DNAH12: variants seen among roughly 807,000 people sequenced by gnomAD.
The protein encoded by DNAH12 is axonemal beta dynein heavy chain 12.
A neutral mutation model predicts 371.5 loss-of-function variants in DNAH12; 285 were observed. The observed-to-expected ratio is 0.77, with a 90% CI of 0.70 to 0.85. The LOEUF (loss-of-function observed/expected upper bound fraction) is 0.85, where lower values mean the gene tolerates loss of function less well. Ranked by LOEUF, DNAH12 falls within the 40% of genes least tolerant of loss-of-function variation. DNAH12 has a pLI of 0.00. For missense variants in DNAH12, 3,611 were observed against 3,689.4 expected (o/e 0.98, Z 0.55); for synonymous variants, 1,200 against 1,213.0 (o/e 0.99, Z 0.22).
At chr3:57,499,646 AAATATATATATATATATATATAT>A in intron 11 of DNAH12, among the ~76,000 whole-genome samples, 2 of 32,054 alleles carry the variant, frequency 6.2e-5, no homozygotes, top group South Asian at 2.9e-3. Context: ...AAAAAAAAAA[AAATATATATATATATATATATAT>A]ATATATACTT....
intron 39 of DNAH12, among the ~76,000 whole-genome samples, chr3:57,409,829 G>A (rs2064148023): frequency 6.6e-6 from 1 of 152,092 alleles, no homozygotes; most frequent in Non-Finnish European, 1.5e-5. Flanking sequence ...TAATTAAAAG[G>A]TGCTATATCT....
intron 69 of DNAH12, among the ~76,000 whole-genome samples, chr3:57,308,238 A>G (rs921035230): frequency 7.9e-5 from 12 of 152,174 alleles, no homozygotes; most frequent in African/African-American, 2.9e-4. Context: ...TCTGTCAGAC[A>G]TAATTCCTCT....
At chr3:57,428,473 T>C (rs4681732) in intron 34 of DNAH12, 160 bp downstream of exon 34, 29 of 1,535,006 alleles carry the variant, frequency 1.9e-5, no homozygotes, top group Middle Eastern at 1.7e-4. Context: ...CCCTGAGTTA[T>C]GCAGCTATAA....
chr3:57,523,693 TTAAA>T, intron 3 of DNAH12, 84 bp from the exon 4 acceptor site: 1 of 1,281,356 alleles, frequency 7.8e-7, no homozygotes, highest in East Asian at 2.7e-5. Context: ...AATATATAGT[TTAAA>T]TATATCTATT....
intron 11 of DNAH12, among the ~76,000 whole-genome samples, chr3:57,499,240 T>A (rs891597915): frequency 6.6e-6 from 1 of 152,014 alleles, no homozygotes; most frequent in African/African-American, 2.4e-5. Flanking sequence ...GGATGGGGTA[T>A]AAGGAAGGTT....
chr3:57,442,591 A>ATT (rs2065342758), intron 29 of DNAH12, among the ~76,000 whole-genome samples: 1 of 152,242 alleles, frequency 6.6e-6, no homozygotes, highest in South Asian at 2.1e-4. Flanking sequence ...AGTCAGTAAA[A>ATT]CAAATACAGA....
chr3:57,464,391 G>C (rs962391282), intron 17 of DNAH12, among the ~76,000 whole-genome samples: 3 of 152,036 alleles, frequency 2.0e-5, no homozygotes, highest in African/African-American at 7.2e-5. Context: ...TATACCCTGT[G>C]GGACCGTCCG....
Position 57,428,664 on chromosome 3 carries a change from G to T in DNAH12, c.5222C>A (p.Pro1741His), listed in dbSNP as rs934236169. The part of the protein sequence containing the change: ...LRGLFAWLIP[P>H]SLNQRKKKCK... ...TTTTTTCTTACGCTGGTTTAAAGAG[G>T]GTGGTATTAACCAGGCAAAAAGTCC... Residue 1741 changes from proline (P) to histidine (H), a missense_variant, in exon 34 of 74, where the codon CCC becomes CAC. Pro to His is a moderately conservative substitution (Grantham distance 77). Coordinates refer to ENST00000495027, the MANE Select transcript of DNAH12 (RefSeq NM_001366028.2). The T allele has an allele frequency of 1.9e-6, 3 of 1,543,938 alleles. No homozygotes were observed. The highest frequency in any genetic ancestry group is 4.9e-5 in the East Asian group (2 of 40,884).
intron 37 of DNAH12, among the ~76,000 whole-genome samples, chr3:57,415,945 C>T (rs1194683099): frequency 6.6e-6 from 1 of 151,908 alleles, no homozygotes; most frequent in Non-Finnish European, 1.5e-5. Context: ...TGCACCACCA[C>T]ACCTGGCTAA....
chr3:57,446,296 A>AT (rs1161926693), intron 26 of DNAH12, 26 bp from the exon 27 acceptor site: 9 of 1,538,604 alleles, frequency 5.8e-6, no homozygotes, highest in South Asian at 2.4e-5. Context: ...AAGGAAAGTG[A>AT]TTTTTTTCTC....
intron 58 of DNAH12, among the ~76,000 whole-genome samples, chr3:57,358,617 C>T (rs978530193): frequency 3.9e-5 from 6 of 152,076 alleles, no homozygotes; most frequent in Non-Finnish European, 7.4e-5. Flanking sequence ...TCAGTCCTAA[C>T]TATAAATAAG....
Position 57,322,356 on chromosome 3 carries a change from C to T in DNAH12, c.10511G>A (p.Arg3504His), listed in dbSNP as rs573802247. Residue 3504 changes from arginine to histidine, a missense_variant, in exon 65 of 74, where the codon CGT becomes CAT. Physicochemically the swap from Arg to His is conservative, Grantham distance 29. Coordinates refer to ENST00000495027, the MANE Select transcript of DNAH12 (RefSeq NM_001366028.2). Reference sequence around the variant, plus strand: ...GATGAATATTACCAGTTCCTTTCCACGGCATCCCTTGAAAAACTCAGGATC... The same window carrying T: ...GATGAATATTACCAGTTCCTTTCCATGGCATCCCTTGAAAAACTCAGGATC... ...VSDPEFFKGC[R>H]GKELAWEKLL... is the part of the protein sequence containing the mutation. 1.2e-5 allele frequency: 19 copies of T among 1,550,752 alleles called. No homozygotes were observed. The highest frequency in any genetic ancestry group is 3.3e-4 in the Middle Eastern group (2 of 6,010).
At position 57,334,903 on chromosome 3, in the gene DNAH12, G is replaced by T; in HGVS notation, c.9712C>A (p.Leu3238Ile). The change falls in exon 61 of 74, where the codon CTT becomes ATT. Residue 3238 changes from leucine to isoleucine, a missense_variant. Leu to Ile is a conservative substitution (Grantham distance 5, BLOSUM62 2). This residue lies in a region of DNAH12 where 2,266 missense variants were observed against 2,236.9 expected (regional missense o/e 1.01). Transcript: ENST00000495027. ...KEIEYQELMF[L>I]LTGGVSLKSA... ...TTAAGACTTACTCCTCCAGTTAAAA[G>T]AAACATCAGTTCCTGGTATTCAATC... The T allele has an allele frequency of 1.9e-6, 3 of 1,551,530 alleles. No homozygotes were observed. The highest frequency in any genetic ancestry group is 2.6e-6 in the Non-Finnish European group (3 of 1,146,940).
At chr3:57,531,830 G>T (rs1352991413) in intron 2 of DNAH12, among the ~76,000 whole-genome samples, 3 of 147,118 alleles carry the variant, frequency 2.0e-5, no homozygotes, top group Non-Finnish European at 4.5e-5. Flanking sequence ...TGTTAAATCT[G>T]CTTGGTGTTC....
chr3:57,548,566 G>C (rs964674779), upstream of DNAH12, among the ~76,000 whole-genome samples: 1 of 152,074 alleles, frequency 6.6e-6, no homozygotes, highest in African/African-American at 2.4e-5. Context: ...TTAGCCAGGC[G>C]TTGGTGGTGT....
At chr3:57,419,281 G>GA (rs1346241677) in intron 37 of DNAH12, 86 bp downstream of exon 37, 21 of 1,287,432 alleles carry the variant, frequency 1.6e-5, no homozygotes, top group Non-Finnish European at 2.1e-5. Context: ...GAAAAGGGAT[G>GA]ATCTCGAATA....
chr3:57,383,791 A>G (rs2063447320), intron 49 of DNAH12, among the ~76,000 whole-genome samples: 1 of 151,872 alleles, frequency 6.6e-6, no homozygotes, highest in South Asian at 2.1e-4. Context: ...AAGAAAAGAA[A>G]AAAAGTACTG....
chr3:57,509,724 T>G (rs2067910311), intron 5 of DNAH12, among the ~76,000 whole-genome samples: 1 of 151,736 alleles, frequency 6.6e-6, no homozygotes, highest in Non-Finnish European at 1.5e-5. Context: ...TAGCTGGGCA[T>G]GGTGGCAGGC....
chr3:57,503,228 C>A (rs1436079662), intron 9 of DNAH12, among the ~76,000 whole-genome samples: 3 of 151,794 alleles, frequency 2.0e-5, no homozygotes, highest in Non-Finnish European at 4.4e-5. Flanking sequence ...ATAGCCACTG[C>A]ATTTCAGCCT....
Sources: allele counts gnomAD v4.1 joint callset (sites outside exome capture counted in the v4.1 genomes callset), GRCh38; gene constraint gnomAD v4.1.1; regional missense constraint gnomAD v4.1.1; transcripts MANE v1.5; gene names NCBI Gene and HGNC (gene_info 2026-07-23, HGNC 2026-07-21).